The following NELL1 variants were observed in gnomAD, a reference collection of about 807,000 sequenced individuals.
The protein encoded by NELL1 is protein kinase C-binding protein NELL1.
NELL1 carries 76 observed loss-of-function variants against 107.4 expected under a neutral mutation model. The ratio of observed to expected loss-of-function variants is 0.71; its 90% confidence interval spans 0.59 to 0.86. NELL1 has a LOEUF of 0.86. Ranked by LOEUF, NELL1 falls within the 40% of genes least tolerant of loss-of-function variation. The pLI is 0.00. For missense variants in NELL1, 1,024 were observed against 1,005.5 expected (o/e 1.02, Z -0.25); for synonymous variants, 353 against 341.2 (o/e 1.03, Z -0.38).
intron 13 of NELL1, among the ~76,000 whole-genome samples, chr11:21,201,023 G>C (rs2133847979): frequency 6.6e-6 from 1 of 152,246 alleles, no homozygotes; most frequent in South Asian, 2.1e-4. Flanking sequence ...ATGCTGTTTT[G>C]GTTACTGTAG....
intron 1 of NELL1, chr11:20,674,444 G>A (rs1189111811): frequency 2.7e-6 from 4 of 1,462,224 alleles, no homozygotes; most frequent in Non-Finnish European, 3.7e-6. Flanking sequence ...ACAGGTACCA[G>A]TATCTTTTTA....
intron 11 of NELL1, among the ~76,000 whole-genome samples, chr11:20,958,487 A>C (rs1003485792): frequency 6.6e-6 from 1 of 152,214 alleles, no homozygotes; most frequent in African/African-American, 2.4e-5. Flanking sequence ...AGGGGTTGCC[A>C]CATGTAAAGG....
chr11:20,765,712 G>T (rs950588094), intron 2 of NELL1, among the ~76,000 whole-genome samples: 2 of 152,082 alleles, frequency 1.3e-5, no homozygotes, highest in African/African-American at 4.8e-5. Flanking sequence ...GAGGGAAGAG[G>T]TGAGGTGGGA....
At chr11:21,158,116 A>G (rs1315350469) in intron 13 of NELL1, among the ~76,000 whole-genome samples, 1 of 152,144 alleles carries the variant, frequency 6.6e-6, no homozygotes, top group African/African-American at 2.4e-5. Context: ...TTTCTCCCAC[A>G]CTAGATGCTT....
intron 2 of NELL1, among the ~76,000 whole-genome samples, chr11:20,713,611 T>G (rs1855166850): frequency 6.6e-6 from 1 of 152,110 alleles, no homozygotes; most frequent in South Asian, 2.1e-4. Flanking sequence ...CTGCCCACAT[T>G]GTGGTCAGCA....
At chr11:21,003,912 T>C (rs1852276362) in intron 12 of NELL1, among the ~76,000 whole-genome samples, 1 of 152,136 alleles carries the variant, frequency 6.6e-6, no homozygotes, top group South Asian at 2.1e-4. Context: ...AAATATAATA[T>C]ACAGATGAAT....
At chr11:21,499,098 CT>C (rs758769872) in intron 15 of NELL1, among the ~76,000 whole-genome samples, 4 of 151,602 alleles carry the variant, frequency 2.6e-5, no homozygotes, top group Non-Finnish European at 5.9e-5. Context: ...TTTTTTTCCT[CT>C]TTTGGTTAAT....
At chr11:21,378,409 A>G (rs965885995) in intron 15 of NELL1, among the ~76,000 whole-genome samples, 1 of 151,898 alleles carries the variant, frequency 6.6e-6, no homozygotes, top group African/African-American at 2.4e-5. Flanking sequence ...TACTGTGATT[A>G]GAAAATGCTT....
chr11:21,514,656 C>T (rs1256087550), intron 15 of NELL1, among the ~76,000 whole-genome samples: 1 of 152,016 alleles, frequency 6.6e-6, no homozygotes, highest in African/African-American at 2.4e-5. Context: ...AAATATAGCT[C>T]CCCTGTGCCA....
At chr11:21,012,084 G>C (rs938524562) in intron 12 of NELL1, among the ~76,000 whole-genome samples, 1 of 152,176 alleles carries the variant, frequency 6.6e-6, no homozygotes, top group South Asian at 2.1e-4. Flanking sequence ...TCCATATTAA[G>C]AGTCCAACCC....
chr11:21,248,985 G>C (rs1858568061), intron 14 of NELL1, among the ~76,000 whole-genome samples: 1 of 152,166 alleles, frequency 6.6e-6, no homozygotes, highest in East Asian at 1.9e-4. Context: ...TGAATAAAGG[G>C]ATAAGGTTGA....
At chr11:21,144,495 T>TAG (rs1350741509) in intron 13 of NELL1, among the ~76,000 whole-genome samples, 5 of 152,054 alleles carry the variant, frequency 3.3e-5, no homozygotes, top group East Asian at 3.9e-4. Flanking sequence ...TTGTCCGTAA[T>TAG]AGAGAGAGAG....
chr11:20,764,774 AG>A (rs71443762), intron 2 of NELL1, among the ~76,000 whole-genome samples: 133,124 of 151,954 alleles, frequency 0.88, 58,424 homozygotes, highest in East Asian at 0.94. Context: ...CAAAAGGCTG[AG>A]GGGGAAGGAA....
chr11:20,787,007 C>CA (rs71443763), intron 3 of NELL1, among the ~76,000 whole-genome samples: 32,709 of 60,900 alleles, frequency 0.54, 11,321 homozygotes, highest in East Asian at 0.76. Flanking sequence ...GACTCCGTCT[C>CA]AAAAAAAAAA....
intron 12 of NELL1, among the ~76,000 whole-genome samples, chr11:21,072,634 C>A (rs1022096857): frequency 6.6e-6 from 1 of 152,072 alleles, no homozygotes; most frequent in Non-Finnish European, 1.5e-5. Context: ...CAAAACCCAG[C>A]ATATAAAGCT....
At chr11:21,316,838 T>G (rs118093649) in intron 14 of NELL1, among the ~76,000 whole-genome samples, 4 of 152,012 alleles carry the variant, frequency 2.6e-5, no homozygotes, top group Non-Finnish European at 1.5e-5. Context: ...CTCCTGGAGG[T>G]AGAGCTGGGG....
chr11:21,563,614 A>G (rs1856901032), intron 17 of NELL1, among the ~76,000 whole-genome samples: 1 of 152,062 alleles, frequency 6.6e-6, no homozygotes, highest in African/African-American at 2.4e-5. Flanking sequence ...GAGATGATTT[A>G]AAGTATATGG....
At chr11:21,204,282 G>A (rs148544404) in intron 13 of NELL1, among the ~76,000 whole-genome samples, 55 of 151,958 alleles carry the variant, frequency 3.6e-4, no homozygotes, top group Non-Finnish European at 5.0e-4. Flanking sequence ...ACACAGTCCC[G>A]TATTTCTTGG....
chr11:20,711,967 C>A (rs78346871), intron 2 of NELL1, among the ~76,000 whole-genome samples: 1 of 152,156 alleles, frequency 6.6e-6, no homozygotes, highest in African/African-American at 2.4e-5. Flanking sequence ...ATCTTTAGTT[C>A]TTTGAGCTTC....
Sources: allele counts gnomAD v4.1 joint callset (sites outside exome capture counted in the v4.1 genomes callset), GRCh38; gene constraint gnomAD v4.1.1; transcripts MANE v1.5; gene names NCBI Gene and HGNC (gene_info 2026-07-23, HGNC 2026-07-21).